Variants in FYB1 observed in about 807,000 individuals in gnomAD.
FYB1 encodes the protein FYN binding protein 1, also known as FYN-binding protein 1.
FYB1 carries 41 observed loss-of-function variants against 94.1 expected under a neutral mutation model. That is an observed-to-expected ratio of 0.44 (90% CI 0.34 to 0.57). FYB1 has a LOEUF of 0.57. Among genes scored for constraint, FYB1 ranks in the 20% least tolerant of loss-of-function variants. The pLI is 0.02. For synonymous variants in FYB1, 367 were observed against 353.2 expected, an observed-to-expected ratio of 1.04 and a Z score of -0.44; for missense variants, 1,050 against 976.8, an observed-to-expected ratio of 1.07 and a Z score of -1.00.
intron 16 of FYB1, among the ~76,000 whole-genome samples, chr5:39,114,178 C>G (rs918407599): frequency 1.3e-5 from 2 of 152,116 alleles, no homozygotes; most frequent in Admixed American, 1.3e-4. Flanking sequence ...CAAAAAGTAT[C>G]TTATTCTACA....
rs1272438775 is a variant in FYB1, at chr5:39,126,695, C to CAAAAAA, written c.1908-566_1908-561dup. ...GGGGCAACAGAGTGAGACCTGGTCT[C>CAAAAAA]AAAAAAAAAAAAAAAAAAAAAAAAG... On this transcript the variant is annotated intron_variant, in intron 11 of 18. Transcript: ENST00000512982. Among the ~76,000 whole-genome samples, 11 of 29,020 alleles carry CAAAAAA rather than the reference C, an allele frequency of 3.8e-4. 3 individuals carry two copies. Among genetic ancestry groups the CAAAAAA allele is most frequent in the African/African-American group, 1.3e-3 (10 of 7,684 alleles). The allele number at this position is 29,020 out of a possible 152,430, so 19.0% of individuals were successfully genotyped here.
intron 1 of FYB1, among the ~76,000 whole-genome samples, chr5:39,258,563 G>A (rs555927874): frequency 7.1e-4 from 108 of 152,262 alleles, no homozygotes; most frequent in Non-Finnish European, 1.2e-3. Flanking sequence ...TCGTGCCACT[G>A]CATTCCAGCC....
chr5:39,172,456 A>T (rs1204633790), intron 2 of FYB1, among the ~76,000 whole-genome samples: 1 of 152,090 alleles, frequency 6.6e-6, no homozygotes, highest in East Asian at 1.9e-4. Flanking sequence ...AAAAAAAAAA[A>T]ATAGTAATTT....
intron 1 of FYB1, among the ~76,000 whole-genome samples, chr5:39,238,713 T>C (rs1751076855): frequency 6.6e-6 from 1 of 152,086 alleles, no homozygotes; most frequent in African/African-American, 2.4e-5. Flanking sequence ...TAGGAGCTTA[T>C]CCAGAATACC....
intron 1 of FYB1, among the ~76,000 whole-genome samples, chr5:39,206,790 C>T (rs1748899212): frequency 6.6e-6 from 1 of 152,188 alleles, no homozygotes; most frequent in Non-Finnish European, 1.5e-5. Context: ...CTAACCGGTG[C>T]ATATGCAAAC....
intron 1 of FYB1, among the ~76,000 whole-genome samples, chr5:39,237,205 A>G (rs1751003823): frequency 6.6e-6 from 1 of 152,140 alleles, no homozygotes; most frequent in Non-Finnish European, 1.5e-5. Context: ...AGTTAGGTAG[A>G]TTAGCCAGAG....
chr5:39,241,071 A>G (rs924271261), intron 1 of FYB1, among the ~76,000 whole-genome samples: 1 of 152,208 alleles, frequency 6.6e-6, no homozygotes, highest in Non-Finnish European at 1.5e-5. Context: ...ACAGAAACAG[A>G]AAACCAAATA....
chr5:39,229,167 G>A (rs1750612225), intron 1 of FYB1, among the ~76,000 whole-genome samples: 3 of 152,082 alleles, frequency 2.0e-5, no homozygotes, highest in Non-Finnish European at 2.9e-5. Context: ...GGGAATAGTG[G>A]ATGAATCTTT....
At chr5:39,219,000 G>A (rs1287714960) in intron 1 of FYB1, among the ~76,000 whole-genome samples, 1 of 152,174 alleles carries the variant, frequency 6.6e-6, no homozygotes, top group Non-Finnish European at 1.5e-5. Context: ...CTCCTGCCAG[G>A]TTTGGAGGAA....
intron 2 of FYB1, among the ~76,000 whole-genome samples, chr5:39,197,516 C>T (rs1404601000): frequency 2.6e-5 from 4 of 152,226 alleles, no homozygotes; most frequent in Non-Finnish European, 5.9e-5. Context: ...AGTTGCCAAT[C>T]TAAGCAGCTG....
At chr5:39,164,819 A>G (rs1385148689) in intron 2 of FYB1, among the ~76,000 whole-genome samples, 1 of 152,246 alleles carries the variant, frequency 6.6e-6, no homozygotes, top group Non-Finnish European at 1.5e-5. Context: ...TGGTTCATCC[A>G]GGAAGCAAGC....
intron 2 of FYB1, among the ~76,000 whole-genome samples, chr5:39,192,076 G>T (rs1290481148): frequency 6.6e-6 from 1 of 152,144 alleles, no homozygotes; most frequent in Non-Finnish European, 1.5e-5. Context: ...GGTTTTATTT[G>T]ACTTGGCTTG....
intron 1 of FYB1, among the ~76,000 whole-genome samples, chr5:39,215,963 C>G (rs700188): frequency 0.95 from 144,294 of 152,252 alleles, 68,533 homozygotes; most frequent in Non-Finnish European, 0.98. Context: ...GAAGAAGAGA[C>G]AGCAGAAGAG....
intron 1 of FYB1, among the ~76,000 whole-genome samples, chr5:39,210,497 C>T (rs1749264234): frequency 6.6e-6 from 1 of 152,194 alleles, no homozygotes; most frequent in Non-Finnish European, 1.5e-5. Flanking sequence ...GTCCACCTCC[C>T]AAATGCTGGC....
intron 2 of FYB1, among the ~76,000 whole-genome samples, chr5:39,189,859 T>G (rs260332): frequency 0.65 from 99,326 of 151,676 alleles, 33,347 homozygotes; most frequent in Non-Finnish European, 0.73. Flanking sequence ...GGGAAACTGC[T>G]GAGTCCTTGT....
intron 1 of FYB1, among the ~76,000 whole-genome samples, chr5:39,240,080 C>A (rs948228720): frequency 6.6e-6 from 1 of 152,148 alleles, no homozygotes; most frequent in African/African-American, 2.4e-5. Context: ...GAGGAAAGGA[C>A]TCCATATTCA....
chr5:39,246,671 G>A (rs545503206), intron 1 of FYB1, among the ~76,000 whole-genome samples: 2 of 152,282 alleles, frequency 1.3e-5, no homozygotes, highest in African/African-American at 4.8e-5. Flanking sequence ...AAAGTCCACA[G>A]GTAGAGAACA....
At chr5:39,194,003 T>C (rs1318498435) in intron 2 of FYB1, among the ~76,000 whole-genome samples, 1 of 152,172 alleles carries the variant, frequency 6.6e-6, no homozygotes, top group South Asian at 2.1e-4. Context: ...CCCCTATTCA[T>C]ATAGCACAGT....
intron 3 of FYB1, among the ~76,000 whole-genome samples, chr5:39,144,121 C>T (rs1039693649): frequency 3.3e-5 from 5 of 152,126 alleles, no homozygotes; most frequent in African/African-American, 1.2e-4. Flanking sequence ...AGATTTGTTA[C>T]ATTAGAAAAT....
Sources: allele counts gnomAD v4.1 joint callset (sites outside exome capture counted in the v4.1 genomes callset), GRCh38; gene constraint gnomAD v4.1.1; transcripts MANE v1.5; gene names NCBI Gene and HGNC (gene_info 2026-07-23, HGNC 2026-07-21).